Variants in TM9SF4 observed in about 807,000 individuals in gnomAD.
The protein encoded by TM9SF4 is dinucleotide oxidase disulfide thiol exchanger 3 superfamily member 4.
TM9SF4 carries 26 observed loss-of-function variants against 90.4 expected under a neutral mutation model. That is an observed-to-expected ratio of 0.29 (90% confidence interval 0.21 to 0.40). The LOEUF (loss-of-function observed/expected upper bound fraction) is 0.40, where lower values mean the gene tolerates loss of function less well. TM9SF4 is among the 10% of genes least tolerant of loss of function. The probability of loss-of-function intolerance (pLI) is 1.00; values close to 1 mark genes in which losing one functional copy is unlikely to be tolerated. For missense variants in TM9SF4, 549 were observed against 834.8 expected (o/e 0.66, Z 4.22); for synonymous variants, 293 against 315.4 (o/e 0.93, Z 0.75).
intron 1 of TM9SF4, among the ~76,000 whole-genome samples, chr20:32,128,097 A>G (rs1051585647): frequency 2.0e-5 from 3 of 152,252 alleles, no homozygotes; most frequent in African/African-American, 7.2e-5. Context: ...GACACAGCCC[A>G]GCAAAGTTGA....
rs748983574 is a variant in TM9SF4, at chr20:32,141,580, A to T, written c.313A>T (p.Ser105Cys). The change falls in exon 4 of 18, where the codon AGC (serine) becomes TGC (cysteine). Residue 105 changes from serine to cysteine, a missense_variant. Ser to Cys is a moderately radical substitution (Grantham distance 112). Around this residue, in one of 2 missense-constraint regions of TM9SF4, gnomAD observed 495 missense variants for 711.7 expected, o/e 0.70. Transcript: ENST00000398022. ...NSEKKCEVLC[S>C]QSNKPVTLTV... ...CGAGAAGAAGTGTGAAGTTCTGTGCAGCCAGTCCAACAAGCCAGTGACCCT... is the reference window on the plus strand; with the variant it reads ...CGAGAAGAAGTGTGAAGTTCTGTGCTGCCAGTCCAACAAGCCAGTGACCCT... The T allele has an allele frequency of 6.8e-6, 11 of 1,614,016 alleles. No homozygotes were observed. Among genetic ancestry groups the T allele is most frequent in the South Asian group, 5.5e-5 (5 of 91,082 alleles).
chr20:32,112,703 A>C (rs565318976), intron 1 of TM9SF4, among the ~76,000 whole-genome samples: 74 of 151,454 alleles, frequency 4.9e-4, no homozygotes, highest in African/African-American at 1.1e-3. Flanking sequence ...CAAAAAAAAA[A>C]AAAAAACAAA....
rs1189579482 is a variant in TM9SF4, at chr20:32,150,801, G to T, written c.1171G>T (p.Val391Leu). Residue 391 changes from valine to leucine, a missense_variant and splice_region_variant, in exon 12 of 18, where the codon GTG (valine) becomes TTG (leucine). Physicochemically the swap from Val to Leu is conservative, Grantham distance 32. Coordinates refer to ENST00000398022, the MANE Select transcript of TM9SF4 (RefSeq NM_014742.4). ...TACFLFMFMG[V>L]FGGFSAGRLY... is the part of the protein sequence containing the mutation. ...TGGATCCCTGCCATTTTCCCACAGG[G>T]TGTTTGGCGGATTTTCTGCTGGCCG... The T allele has an allele frequency of 2.5e-6, 4 of 1,614,014 alleles. No individual in the cohort carries two copies. The Admixed American group carries it at 6.7e-5, about 27-fold the overall frequency.
At chr20:32,111,373 C>T (rs2046140976) in intron 1 of TM9SF4, among the ~76,000 whole-genome samples, 1 of 152,212 alleles carries the variant, frequency 6.6e-6, no homozygotes, top group Non-Finnish European at 1.5e-5. Flanking sequence ...CGGCACTGCA[C>T]TGGGAAATCC....
At chr20:32,139,342 C>G (rs1290289340) in intron 3 of TM9SF4, among the ~76,000 whole-genome samples, 1 of 152,222 alleles carries the variant, frequency 6.6e-6, no homozygotes, top group Non-Finnish European at 1.5e-5. Context: ...TGCTGTTCTT[C>G]CTATTTTCCC....
chr20:32,155,291 G>GAGTCC, intron 13 of TM9SF4, 105 bp downstream of exon 13: 1 of 961,048 alleles, frequency 1.0e-6, no homozygotes, highest in Non-Finnish European at 1.7e-6. Flanking sequence ...TCCCTTTTCT[G>GAGTCC]AGTCCCCAGA....
chr20:32,116,856 CTTTTTCTTTT>C (rs778145156), intron 1 of TM9SF4, among the ~76,000 whole-genome samples: 10 of 99,920 alleles, frequency 1.0e-4, no homozygotes, highest in Admixed American at 3.3e-4. Flanking sequence ...CTCCTTTTTC[CTTTTTCTTTT>C]TTTTTTTTTT....
intron 17 of TM9SF4, 141 bp from the exon 18 acceptor site, chr20:32,165,154 C>A: frequency 1.9e-6 from 2 of 1,061,628 alleles, no homozygotes; most frequent in Non-Finnish European, 2.8e-6. Context: ...ACCCTGCCTG[C>A]CGCTTGCCAC....
intron 10 of TM9SF4, 28 bp downstream of exon 10, chr20:32,149,794 G>A: frequency 1.2e-6 from 2 of 1,611,778 alleles, no homozygotes; most frequent in Non-Finnish European, 1.7e-6. Context: ...GGCCGGGCAT[G>A]GGGGCATGGC....
chr20:32,145,256 T>C, intron 7 of TM9SF4, 47 bp downstream of exon 7: 1 of 1,613,090 alleles, frequency 6.2e-7, no homozygotes, highest in Non-Finnish European at 8.5e-7. Flanking sequence ...GGCTCTGGTC[T>C]GTGTCAGGTT....
intron 1 of TM9SF4, among the ~76,000 whole-genome samples, chr20:32,129,118 T>TA (rs11475892): frequency 4.7e-5 from 7 of 148,106 alleles, no homozygotes; most frequent in South Asian, 2.2e-4. Flanking sequence ...TTTCCAAAGA[T>TA]AAAAAAAAAA....
At chr20:32,129,597 ATTTTTTT>A (rs34093111) in intron 1 of TM9SF4, among the ~76,000 whole-genome samples, 17 of 139,656 alleles carry the variant, frequency 1.2e-4, no homozygotes, top group African/African-American at 4.2e-4. Context: ...TAAGTAGTGA[ATTTTTTT>A]TTTTTTTTTT....
chr20:32,149,751 A>T lies in TM9SF4; in HGVS notation c.1072A>T (p.Ile358Phe). The T allele has an allele frequency of 6.2e-7, 1 of 1,614,130 alleles. No individual in the cohort carries two copies. Among genetic ancestry groups the T allele is most frequent in the Non-Finnish European group, 8.5e-7 (1 of 1,179,998 alleles). The change falls in exon 10 of 18, where the codon ATC (isoleucine) becomes TTC (phenylalanine). Residue 358 changes from isoleucine (I) to phenylalanine (F), a missense_variant. This residue lies in a region of TM9SF4 where 495 missense variants were observed against 711.7 expected (regional missense o/e 0.70). Coordinates refer to ENST00000398022, the MANE Select transcript of TM9SF4 (RefSeq NM_014742.4). ...CTCAGGCATTCAGCTGTTCTGTATG[A>T]TCCTCATCGTCATCTGTGAGTGTGC... is the stretch of plus-strand genomic sequence containing the variant. ...LGSGIQLFCM[I>F]LIVIFVAMLG...
intron 1 of TM9SF4, among the ~76,000 whole-genome samples, chr20:32,110,452 T>C (rs887595504): frequency 6.6e-6 from 1 of 152,070 alleles, no homozygotes; most frequent in East Asian, 1.9e-4. Flanking sequence ...TCTCGAGGTG[T>C]GTAGGGGGAG....
intron 1 of TM9SF4, among the ~76,000 whole-genome samples, chr20:32,111,878 G>A (rs2046147604): frequency 6.6e-6 from 1 of 152,206 alleles, no homozygotes; most frequent in Non-Finnish European, 1.5e-5. Flanking sequence ...AGGAGAGAAT[G>A]ATACAAGATG....
chr20:32,142,090 A>C (rs942405155), intron 5 of TM9SF4, among the ~76,000 whole-genome samples, 195 bp downstream of exon 5: 1 of 152,122 alleles, frequency 6.6e-6, no homozygotes, highest in Non-Finnish European at 1.5e-5. Flanking sequence ...CACAATTCTT[A>C]GGAAGTTAGG....
chr20:32,116,730 A>G (rs2046228958), intron 1 of TM9SF4: 1 of 151,138 alleles, frequency 6.6e-6, no homozygotes, highest in South Asian at 2.1e-4. Flanking sequence ...TCTAGCTGTC[A>G]TTAGCCTTCA....
intron 1 of TM9SF4, among the ~76,000 whole-genome samples, chr20:32,118,171 A>G (rs1201533598): frequency 6.6e-6 from 1 of 152,086 alleles, no homozygotes; most frequent in African/African-American, 2.4e-5. Context: ...CTAGTCCTTG[A>G]TTCTCTGTGT....
At chr20:32,158,586 G>GCCTATTGC in intron 15 of TM9SF4, 72 bp downstream of exon 15, 1 of 1,499,304 alleles carries the variant, frequency 6.7e-7, no homozygotes, top group Non-Finnish European at 9.3e-7. Context: ...CGGGTGCTCT[G>GCCTATTGC]CTGCCTACTG....
Sources: gnomAD v4.1 joint callset for allele counts (sites outside exome capture counted in the v4.1 genomes callset) on GRCh38, gnomAD v4.1.1 for gene constraint, gnomAD v4.1.1 regional missense constraint, MANE v1.5 for transcripts, NCBI Gene and HGNC (gene_info 2026-07-23, HGNC 2026-07-21) for gene names.